CRYBG2: variants seen among roughly 807,000 people sequenced by gnomAD.
CRYBG2 encodes crystallin beta-gamma domain containing 2.
CRYBG2 carries 106 observed loss-of-function variants against 153.4 expected under a neutral mutation model. The observed-to-expected ratio is 0.69, with a 90% CI of 0.59 to 0.81. The LOEUF is 0.81. Ranked by LOEUF, CRYBG2 falls within the 30% of genes least tolerant of loss-of-function variation. The pLI, the probability that CRYBG2 is intolerant of heterozygous loss-of-function variation, is 0.00. For missense variants in CRYBG2, 1,996 were observed against 2,112.0 expected (o/e 0.95, Z 1.08); for synonymous variants, 851 against 877.8 (o/e 0.97, Z 0.54).
rs753732587 is a variant in CRYBG2 at position 26,337,324 on chromosome 1, C to A, written c.3700G>T (p.Gly1234Trp). ...FRGHQYLLEE[G>W]EYPDWSHWGG... The stretch of plus-strand genomic sequence containing the variant: ...CAGTGTGACCAGTCTGGGTATTCCC[C>A]CTCCTCCAGCAGATACTGGTGGCCC... The change falls in exon 10 of 20, where the codon GGG becomes TGG. Residue 1234 changes from glycine to tryptophan, a missense_variant. Coordinates refer to ENST00000308182, the MANE Select transcript of CRYBG2 (RefSeq NM_001039775.4). 4 of 1,613,952 alleles carry A rather than the reference C, an allele frequency of 2.5e-6. No individual in the cohort carries two copies. The African/African-American group carries it at 5.3e-5, about 22-fold the overall frequency.
chr1:26,331,571 A>G lies in CRYBG2; in HGVS notation c.4232T>C (p.Leu1411Pro), dbSNP rs2073997643. 6.2e-7 allele frequency: 1 copy of G among 1,613,988 alleles called. No homozygotes were observed. Among genetic ancestry groups the G allele is most frequent in the African/African-American group, 1.3e-5 (1 of 74,918 alleles). ...GAGAGTGGGGAACTCGCCCTCAGAG[A>G]GAATGTGCTGGTCACCCTCGAAGTT... ...ETNFEGDQHI[L>P]SEGEFPTLTA... The change falls in exon 15 of 20, where the codon CTC becomes CCC. Residue 1411 changes from leucine to proline, a missense_variant. Coordinates refer to ENST00000308182, the MANE Select transcript of CRYBG2 (RefSeq NM_001039775.4).
At position 26,343,728 on chromosome 1, in the gene CRYBG2, C is replaced by T; in HGVS notation, c.2913+17G>A. Reference sequence around the variant, plus strand: ...TGAGGCCAGGCACCTCCCTTGCCCACCCGAGGCCTCACTTACCCACCCCTC... The same window carrying T: ...TGAGGCCAGGCACCTCCCTTGCCCATCCGAGGCCTCACTTACCCACCCCTC... On this transcript the variant is annotated intron_variant, in intron 2 of 19. Transcript: ENST00000308182. The surrounding 1 kb of genome is among the most constrained non-coding windows in gnomAD (Gnocchi z 4.1). The T allele has an allele frequency of 6.9e-7, 1 of 1,444,536 alleles. No homozygotes were observed. The highest frequency in any genetic ancestry group is 2.5e-5 in the East Asian group (1 of 39,922). The allele number at this position is 1,444,536 out of a possible 1,614,324, so 89.5% of individuals were successfully genotyped here.
Position 26,329,479 on chromosome 1 carries a change from ATT to A in CRYBG2, c.4315-608_4315-607del, listed in dbSNP as rs34287969. On this transcript the variant is annotated intron_variant, in intron 15 of 19. Coordinates refer to ENST00000308182, the MANE Select transcript of CRYBG2 (RefSeq NM_001039775.4). ...GGGTGAGCCACCATGCGCAGCTTAG[ATT>A]TTTTTTTTTTTTTTTTGAGATAGGG... 8.0e-3 allele frequency among the ~76,000 whole-genome samples: 1,119 copies of A among 139,466 alleles called. 15 individuals carry two copies. The highest frequency in any genetic ancestry group is 0.02 in the African/African-American group (746 of 37,726). 91.5% of individuals were successfully genotyped at this position (139,466 alleles called of 152,430 possible). A position where few individuals can be genotyped will look rare whatever the true frequency, so the allele number is the denominator to read the frequency against.
Position 26,344,457 on chromosome 1 carries a change from G to A in CRYBG2, c.2201C>T (p.Thr734Met), listed in dbSNP as rs199964823. 2,343 of 1,532,214 alleles carry A rather than the reference G, an allele frequency of 1.5e-3. 7 individuals are homozygous for A. Among genetic ancestry groups the A allele is most frequent in the Non-Finnish European group, 1.8e-3 (2,031 of 1,136,780 alleles). 94.9% of individuals were successfully genotyped at this position (1,532,214 alleles called of 1,614,324 possible). A position where few individuals can be genotyped will look rare whatever the true frequency, so the allele number is the denominator to read the frequency against. The change falls in exon 2 of 20, where the codon ACG (threonine) becomes ATG (methionine). Residue 734 changes from threonine (T) to methionine (M), a missense_variant. Physicochemically the swap from Thr to Met is moderately conservative, Grantham distance 81 (BLOSUM62 -1). Transcript: ENST00000308182. ...GGGATCAGAGACAAGCTGGGACTCC[G>A]TGCTGGCCTCTGCTCCTGTTGGCAC... ...APVPTGAEAS[T>M]ESQLVSDPTE... is the part of the protein sequence containing the mutation.
intron 18 of CRYBG2, 74 bp downstream of exon 18, chr1:26,324,078 G>A: frequency 1.3e-6 from 2 of 1,506,810 alleles, no homozygotes; most frequent in African/African-American, 1.4e-5. Flanking sequence ...TTCCTGATTG[G>A]GCTGGGACTC....
At chr1:26,347,292 T>G (rs1222756512) in intron 1 of CRYBG2, among the ~76,000 whole-genome samples, 10 of 134,410 alleles carry the variant, frequency 7.4e-5, no homozygotes, top group South Asian at 2.7e-4. Context: ...GCGTTTTTTT[T>G]TTTTTTTTTT....
chr1:26,352,910 A>G (rs1275519050), intron 1 of CRYBG2, among the ~76,000 whole-genome samples: 2 of 151,536 alleles, frequency 1.3e-5, no homozygotes, highest in African/African-American at 4.9e-5. Context: ...AAGCAGTCAC[A>G]TTGACCCCTG....
At position 26,336,558 on chromosome 1, in the gene CRYBG2, C is replaced by T. The variant is rs1464530929; in HGVS notation, c.4038+48G>A. ...CGTGGGGGCGGGGCGCACCCGAACTCCAGGTCCCGCCACCGGGGAGGCCCC... is the reference window on the plus strand; with the variant it reads ...CGTGGGGGCGGGGCGCACCCGAACTTCAGGTCCCGCCACCGGGGAGGCCCC... On this transcript the variant is annotated intron_variant, in intron 12 of 19. Coordinates refer to ENST00000308182, the MANE Select transcript of CRYBG2 (RefSeq NM_001039775.4). This position sits in a 1 kb window ranked among gnomAD's most constrained non-coding sequence, Gnocchi z 4.9. The T allele has an allele frequency of 3.9e-6, 6 of 1,540,994 alleles. No homozygotes were observed. Among genetic ancestry groups the T allele is most frequent in the Non-Finnish European group, 4.4e-6 (5 of 1,142,776 alleles).
Position 26,346,340 on chromosome 1 carries a change from CT to C in CRYBG2, c.317del (p.Lys106ArgfsTer9). 1 of 1,599,466 alleles carries C rather than the reference CT, an allele frequency of 6.3e-7. No homozygotes were observed. Among genetic ancestry groups the C allele is most frequent in the Non-Finnish European group, 8.5e-7 (1 of 1,179,768 alleles). ...IFSKKYIPPP[K>X]EKRPEGRLKE... The stretch of plus-strand genomic sequence containing the variant: ...TCAGCCTCCCCTCAGGCCTTTTCTC[CT>C]TGGGAGGTGGTATGTACTTCTTGGA... On this transcript the variant is annotated frameshift_variant, in exon 2 of 20. Transcript: ENST00000308182. LOFTEE classifies it high-confidence loss of function. This position sits in a 1 kb window ranked among gnomAD's most constrained non-coding sequence, Gnocchi z 4.9.
intron 10 of CRYBG2, 117 bp downstream of exon 10, chr1:26,337,136 G>T: frequency 6.4e-7 from 1 of 1,557,714 alleles, no homozygotes; most frequent in Non-Finnish European, 8.7e-7. Context: ...TAGACCTCTG[G>T]GAACACTTAC....
At position 26,344,328 on chromosome 1, in the gene CRYBG2, G is replaced by C; in HGVS notation, c.2330C>G (p.Pro777Arg). Reference sequence around the variant, plus strand: ...CAGCCGGTGAGTGCGGAGGATCTCAGGGGGCTCCATGCTCCGCAGCGTATC... The same window carrying C: ...CAGCCGGTGAGTGCGGAGGATCTCACGGGGCTCCATGCTCCGCAGCGTATC... ...FLDTLRSMEPPEILRTHRLPR... is the reference protein window; with the variant it reads ...FLDTLRSMEPREILRTHRLPR... The change falls in exon 2 of 20, where the codon CCT becomes CGT. Residue 777 changes from proline (P) to arginine (R), a missense_variant. Transcript: ENST00000308182. The C allele has an allele frequency of 6.6e-7, 1 of 1,504,092 alleles. No homozygotes were observed. Among genetic ancestry groups the C allele is most frequent in the South Asian group, 1.3e-5 (1 of 78,628 alleles). 93.2% of individuals were successfully genotyped at this position (1,504,092 alleles called of 1,614,324 possible). A position where few individuals can be genotyped will look rare whatever the true frequency, so the allele number is the denominator to read the frequency against.
chr1:26,342,897 G>T lies in CRYBG2; in HGVS notation c.3075-14C>A. The T allele has an allele frequency of 2.5e-6, 4 of 1,613,876 alleles. No homozygotes were observed. The South Asian group carries it at 3.3e-5, about 13-fold the overall frequency. On this transcript the variant is annotated splice_polypyrimidine_tract_variant and intron_variant, in intron 4 of 19. Transcript: ENST00000308182. ...TACAGCACCCAGCTGTGGGCACAGA[G>T]ATTCCAGGATCACAGATGGGGAGGA... is the stretch of plus-strand genomic sequence containing the variant.
rs569857264 is a variant in CRYBG2, at chr1:26,345,370, C to T, written c.1288G>A (p.Val430Ile). The change falls in exon 2 of 20, where the codon GTC becomes ATC. Residue 430 changes from valine (V) to isoleucine (I), a missense_variant. Val to Ile is a conservative substitution (Grantham distance 29). Coordinates refer to ENST00000308182, the MANE Select transcript of CRYBG2 (RefSeq NM_001039775.4). ...GCAGAAAGACCTCCTGGGCTGGGGACATCCTTCCTTCTTGTAGTGGATGGA... is the reference window on the plus strand; with the variant it reads ...GCAGAAAGACCTCCTGGGCTGGGGATATCCTTCCTTCTTGTAGTGGATGGA... ...PAPSTTRRKD[V>I]PSPGGLSAPS... is the part of the protein sequence containing the mutation. The T allele has an allele frequency of 6.2e-5, 100 of 1,613,300 alleles. 1 individual carries two copies. The South Asian group carries it at 1.0e-3, about 16-fold the overall frequency.
rs1365448217 is a variant in CRYBG2 at position 26,343,552 on chromosome 1, C to T, written c.2913+193G>A. Among the ~76,000 whole-genome samples, 2 of 152,206 alleles carry T rather than the reference C, an allele frequency of 1.3e-5. No individual in the cohort carries two copies. Among genetic ancestry groups the T allele is most frequent in the African/African-American group, 2.4e-5 (1 of 41,452 alleles). On this transcript the variant is annotated intron_variant, in intron 2 of 19. Coordinates refer to ENST00000308182, the MANE Select transcript of CRYBG2 (RefSeq NM_001039775.4). This position sits in a 1 kb window ranked among gnomAD's most constrained non-coding sequence, Gnocchi z 4.1. ...ACCCTTTGGAATCCACAGTACAAAC[C>T]TCCCACAGTAGGGATAGGGATAGGG... is the stretch of plus-strand genomic sequence containing the variant.
In CRYBG2 at chr1:26,325,490, A is replaced by T. The variant is rs2073912501; in HGVS notation, c.4579-1180T>A. On this transcript the variant is annotated intron_variant, in intron 17 of 19. Coordinates refer to ENST00000308182, the MANE Select transcript of CRYBG2 (RefSeq NM_001039775.4). This position sits in a 1 kb window ranked among gnomAD's most constrained non-coding sequence, Gnocchi z 4.1. ...CAGGAGAATCGCTTGAACCCGGGAG[A>T]TGTAGGTTGCAGTGAGCCGAGATCA... Among the ~76,000 whole-genome samples the T allele has an allele frequency of 6.6e-6, 1 of 151,672 alleles. No homozygotes were observed. Among genetic ancestry groups the T allele is most frequent in the Non-Finnish European group, 1.5e-5 (1 of 67,858 alleles).
At position 26,326,496 on chromosome 1, in the gene CRYBG2, C is replaced by A. The variant is rs141477859; in HGVS notation, c.4578+1713G>T. On this transcript the variant is annotated intron_variant, in intron 17 of 19. Transcript: ENST00000308182. ...GAGCTTGCAGTGAGCCGAGATCATG[C>A]CACTGCACTCCTGCCTGGGCGACAG... Among the ~76,000 whole-genome samples the A allele has an allele frequency of 2.6e-4, 40 of 151,304 alleles. 1 individual carries two copies. The East Asian group carries it at 7.2e-3, about 27-fold the overall frequency.
At chr1:26,338,209 T>C (rs1018527018) in intron 7 of CRYBG2, 142 bp downstream of exon 7, 7 of 1,420,110 alleles carry the variant, frequency 4.9e-6, no homozygotes, top group Non-Finnish European at 5.7e-6. Flanking sequence ...CCATTCCCAA[T>C]AGAAGCTCCC....
At chr1:26,332,323 A>AAAC (rs1457329311) in intron 14 of CRYBG2, among the ~76,000 whole-genome samples, 141 of 151,546 alleles carry the variant, frequency 9.3e-4, no homozygotes, top group Non-Finnish European at 1.7e-3. Context: ...AAAAAAAAAA[A>AAAC]AGAAAGAAAA....
chr1:26,352,987 G>A (rs766160289), intron 1 of CRYBG2, among the ~76,000 whole-genome samples: 43 of 152,008 alleles, frequency 2.8e-4, no homozygotes, highest in Non-Finnish European at 5.7e-4. Context: ...CACCGCCATA[G>A]GAGCCTAGAA....
Sources: gnomAD v4.1 joint callset for allele counts (sites outside exome capture counted in the v4.1 genomes callset) on GRCh38, gnomAD v4.1.1 for gene constraint, Gnocchi (gnomAD v3.1) non-coding constraint, MANE v1.5 for transcripts, NCBI Gene and HGNC (gene_info 2026-07-23, HGNC 2026-07-21) for gene names.